Variants in SCFD2 observed in about 807,000 individuals in gnomAD.
The protein encoded by SCFD2 is sec1 family domain-containing protein 2.
SCFD2 carries 54 observed loss-of-function variants against 58.9 expected under a neutral mutation model. The observed-to-expected ratio is 0.92, with a 90% confidence interval of 0.74 to 1.15. SCFD2 has a LOEUF of 1.15. Ranked by LOEUF, SCFD2 falls within the 50% of genes most tolerant of loss-of-function variation. The pLI is 0.00. For missense variants in SCFD2, 805 were observed against 836.6 expected (o/e 0.96, Z 0.47); for synonymous variants, 321 against 335.9 (o/e 0.96, Z 0.49).
At chr4:53,073,588 A>C (rs143068084) in intron 5 of SCFD2, among the ~76,000 whole-genome samples, 6 of 152,266 alleles carry the variant, frequency 3.9e-5, no homozygotes, top group Non-Finnish European at 7.4e-5. Flanking sequence ...GATGCTGAAA[A>C]GAAAAGGTGG....
At chr4:53,212,256 C>G (rs755876088) in intron 4 of SCFD2, among the ~76,000 whole-genome samples, 1 of 151,964 alleles carries the variant, frequency 6.6e-6, no homozygotes, top group Non-Finnish European at 1.5e-5. Flanking sequence ...GTTAACCATA[C>G]ATTATAGCTT....
intron 5 of SCFD2, among the ~76,000 whole-genome samples, chr4:53,044,057 C>G (rs986277445): frequency 6.6e-5 from 10 of 152,272 alleles, no homozygotes; most frequent in Non-Finnish European, 1.0e-4. Flanking sequence ...AGCTGTCACC[C>G]CATTGGCATC....
intron 5 of SCFD2, among the ~76,000 whole-genome samples, chr4:52,944,793 T>G (rs1289150609): frequency 6.6e-6 from 1 of 152,152 alleles, no homozygotes; most frequent in African/African-American, 2.4e-5. Flanking sequence ...GTAGGTGAAG[T>G]AACCTCCAGG....
chr4:53,031,351 T>C (rs930731985), intron 5 of SCFD2, among the ~76,000 whole-genome samples: 1 of 152,112 alleles, frequency 6.6e-6, no homozygotes, highest in Non-Finnish European at 1.5e-5. Flanking sequence ...AGGCCTCTTC[T>C]CCTCTAAAAG....
At chr4:53,173,708 T>C (rs1457839933) in intron 4 of SCFD2, among the ~76,000 whole-genome samples, 1 of 152,190 alleles carries the variant, frequency 6.6e-6, no homozygotes, top group Non-Finnish European at 1.5e-5. Context: ...TTTCCTCTAG[T>C]GGTATGCTTT....
chr4:53,139,069 C>T (rs1353616777), intron 5 of SCFD2, among the ~76,000 whole-genome samples: 1 of 152,182 alleles, frequency 6.6e-6, no homozygotes, highest in Non-Finnish European at 1.5e-5. Context: ...CGGGGTTTCG[C>T]CATGTTGGCT....
intron 4 of SCFD2, among the ~76,000 whole-genome samples, chr4:53,223,105 T>C (rs1729097111): frequency 6.6e-6 from 1 of 152,190 alleles, no homozygotes; most frequent in Admixed American, 6.5e-5. Flanking sequence ...TCAGTTCTAT[T>C]GGCTTTCTGA....
rs143882975 is a variant in SCFD2, at chr4:53,175,064, C to G, written c.1312-29482G>C. Among the ~76,000 whole-genome samples the G allele has an allele frequency of 6.5e-3, 986 of 152,216 alleles. 4 individuals carry two copies. Among genetic ancestry groups the G allele is most frequent in the Middle Eastern group, 0.031 (9 of 294 alleles). On this transcript the variant is annotated intron_variant, in intron 4 of 8. Transcript: ENST00000401642. ...TGACTACAGACAAAATTTTTCTCCC[C>G]CCACAATGGCTGCATACTTTAACAA...
At position 53,044,916 on chromosome 4, in the gene SCFD2, C is replaced by CCCCCCGCCA. The variant is rs59844812; in HGVS notation, c.1561+100416_1561+100417insTGGCGGGGG. ...CCACCTCCACCCCCAACCCCCCCCCCCCGCCCACAAAAAACTTGCTTTGAG... is the reference window on the plus strand; with the variant it reads ...CCACCTCCACCCCCAACCCCCCCCCCCCCCCGCCACCGCCCACAAAAAACTTGCTTTGAG... On this transcript the variant is annotated intron_variant, in intron 5 of 8. Transcript: ENST00000401642. Among the ~76,000 whole-genome samples the CCCCCCGCCA allele has an allele frequency of 1.2e-4, 13 of 110,278 alleles. 1 individual carries two copies. Among genetic ancestry groups the CCCCCCGCCA allele is most frequent in the African/African-American group, 4.1e-4 (7 of 16,952 alleles). The allele number at this position is 110,278 out of a possible 152,430, so 72.3% of individuals were successfully genotyped here. A position where few individuals can be genotyped will look rare whatever the true frequency, so the allele number is the denominator to read the frequency against.
At chr4:52,936,107 G>A (rs1720131408) in intron 5 of SCFD2, among the ~76,000 whole-genome samples, 1 of 152,264 alleles carries the variant, frequency 6.6e-6, no homozygotes, top group African/African-American at 2.4e-5. Flanking sequence ...AAAGTGCTGG[G>A]ATTACAGGTG....
chr4:52,969,044 C>T (rs1299156573), intron 5 of SCFD2, among the ~76,000 whole-genome samples: 1 of 152,174 alleles, frequency 6.6e-6, no homozygotes, highest in East Asian at 1.9e-4. Flanking sequence ...CTCCACCATT[C>T]CCCAGGTGAT....
At chr4:53,178,843 G>C (rs1332728106) in intron 4 of SCFD2, among the ~76,000 whole-genome samples, 1 of 152,186 alleles carries the variant, frequency 6.6e-6, no homozygotes, top group African/African-American at 2.4e-5. Flanking sequence ...CGAGAGCTAC[G>C]TGATGAACGC....
chr4:53,118,055 T>A (rs1203264329), intron 5 of SCFD2, among the ~76,000 whole-genome samples: 1 of 152,184 alleles, frequency 6.6e-6, no homozygotes, highest in Non-Finnish European at 1.5e-5. Flanking sequence ...ATCAGTATTG[T>A]ATGCCAGGTA....
intron 4 of SCFD2, among the ~76,000 whole-genome samples, chr4:53,247,916 G>C (rs902706588): frequency 1.3e-5 from 2 of 151,850 alleles, no homozygotes; most frequent in Non-Finnish European, 2.9e-5. Context: ...GTTTGGGGGA[G>C]GAGCCAAGAT....
At chr4:53,256,935 G>A in intron 4 of SCFD2, among the ~76,000 whole-genome samples, 1 of 136,880 alleles carries the variant, frequency 7.3e-6, no homozygotes, top group Admixed American at 7.3e-5. Flanking sequence ...GGAGGGGGAG[G>A]GAGAGGGAGA....
intron 5 of SCFD2, among the ~76,000 whole-genome samples, chr4:53,012,376 T>A (rs28579982): frequency 0.029 from 4,313 of 147,896 alleles, 165 homozygotes; most frequent in African/African-American, 0.09. Flanking sequence ...TCTCTCTCTC[T>A]CACACACACA....
At chr4:53,139,574 C>A (rs1726059982) in intron 5 of SCFD2, among the ~76,000 whole-genome samples, 1 of 151,286 alleles carries the variant, frequency 6.6e-6, no homozygotes, top group Non-Finnish European at 1.5e-5. Context: ...CGGCAGCCGC[C>A]CCGTCCGGGA....
rs568572369 is a variant in SCFD2, at chr4:53,061,629, A to C, written c.1561+83704T>G. ...TGGTTCTGCCTTCTGTTGCATTTAC[A>C]TTGCGAGTTCCTTTAGGGTAGAGTT... On this transcript the variant is annotated intron_variant, in intron 5 of 8. Coordinates refer to ENST00000401642, the MANE Select transcript of SCFD2 (RefSeq NM_152540.4). 3.9e-5 allele frequency among the ~76,000 whole-genome samples: 6 copies of C among 152,214 alleles called. No individual in the cohort carries two copies. In the East Asian group the frequency reaches 1.2e-3, roughly 29 times the overall value.
chr4:53,057,929 C>T (rs1723394453), intron 5 of SCFD2, among the ~76,000 whole-genome samples: 1 of 152,048 alleles, frequency 6.6e-6, no homozygotes, highest in African/African-American at 2.4e-5. Context: ...TTGATGCCAG[C>T]TTACAAGAGG....
Sources: gnomAD v4.1 joint callset for allele counts (sites outside exome capture counted in the v4.1 genomes callset) on GRCh38, gnomAD v4.1.1 for gene constraint, MANE v1.5 for transcripts, NCBI Gene and HGNC (gene_info 2026-07-23, HGNC 2026-07-21) for gene names.